The following C1orf185 variants were observed in gnomAD, a reference collection of about 807,000 sequenced individuals.
C1orf185 encodes the protein chromosome 1 open reading frame 185, also known as uncharacterized protein C1orf185.
A neutral mutation model predicts 16.1 loss-of-function variants in C1orf185; 13 were observed. The observed-to-expected ratio is 0.81, with a 90% CI of 0.53 to 1.28. The LOEUF (loss-of-function observed/expected upper bound fraction) is 1.28. C1orf185 is among the 50% of genes most tolerant of loss of function. The pLI is 0.00. For missense variants in C1orf185, 220 were observed against 225.2 expected (o/e 0.98, Z 0.15); for synonymous variants, 80 against 76.9 (o/e 1.04, Z -0.21).
intron 2 of C1orf185, among the ~76,000 whole-genome samples, chr1:51,114,795 G>T (rs1042637891): frequency 6.6e-6 from 1 of 152,166 alleles, no homozygotes; most frequent in Non-Finnish European, 1.5e-5. Context: ...TTGAGGTATA[G>T]TTTACATACA....
intron 1 of C1orf185, among the ~76,000 whole-genome samples, chr1:51,107,860 A>G (rs1570286148): frequency 6.6e-6 from 1 of 152,192 alleles, no homozygotes. Context: ...GTTTTCTTTA[A>G]TTAATTCAAC....
At chr1:51,133,932 A>G (rs1646304211) in intron 3 of C1orf185, among the ~76,000 whole-genome samples, 2 of 152,138 alleles carry the variant, frequency 1.3e-5, no homozygotes, top group Non-Finnish European at 2.9e-5. Flanking sequence ...AAATACAAAA[A>G]TTAGCCAGGC....
At chr1:51,118,066 A>G (rs1646170177) in intron 2 of C1orf185, among the ~76,000 whole-genome samples, 2 of 152,166 alleles carry the variant, frequency 1.3e-5, no homozygotes, top group Non-Finnish European at 2.9e-5. Flanking sequence ...GGCATGTGCT[A>G]CCATGCCCAG....
chr1:51,103,410 A>AACACACACACAC (rs367808687), intron 1 of C1orf185, among the ~76,000 whole-genome samples: 14,376 of 128,632 alleles, frequency 0.11, 870 homozygotes, highest in Non-Finnish European at 0.13. Context: ...TGTCTCGAAA[A>AACACACACACAC]ACACACACAC....
intron 3 of C1orf185, among the ~76,000 whole-genome samples, 177 bp from the exon 4 acceptor site, chr1:51,145,547 T>G (rs1343531571): frequency 1.3e-5 from 2 of 152,242 alleles, no homozygotes; most frequent in East Asian, 3.8e-4. Flanking sequence ...CAGATGATAC[T>G]TCAACTTTTT....
intron 2 of C1orf185, among the ~76,000 whole-genome samples, chr1:51,118,236 G>A (rs1646171805): frequency 6.6e-6 from 1 of 152,114 alleles, no homozygotes. Flanking sequence ...CTTTTTGCCA[G>A]AAATATGATT....
chr1:51,143,246 A>G (rs1191115505), intron 3 of C1orf185, among the ~76,000 whole-genome samples: 2 of 152,220 alleles, frequency 1.3e-5, no homozygotes, highest in African/African-American at 4.8e-5. Context: ...CTCTCTAGCT[A>G]TACAAATTAC....
chr1:51,137,088 G>A (rs1031620121), intron 3 of C1orf185, among the ~76,000 whole-genome samples: 2 of 152,170 alleles, frequency 1.3e-5, no homozygotes, highest in African/African-American at 4.8e-5. Context: ...CCATTAAAAA[G>A]TGAGGAAAGG....
chr1:51,122,401 C>A (rs923481672), intron 3 of C1orf185, among the ~76,000 whole-genome samples: 1 of 152,122 alleles, frequency 6.6e-6, no homozygotes, highest in Non-Finnish European at 1.5e-5. Flanking sequence ...TTTCTGACAA[C>A]CTAATGGATG....
At chr1:51,136,766 A>C (rs1228501603) in intron 3 of C1orf185, among the ~76,000 whole-genome samples, 1 of 152,202 alleles carries the variant, frequency 6.6e-6, no homozygotes, top group East Asian at 1.9e-4. Context: ...AGACGGATTA[A>C]AGACTTAAAT....
Position 51,147,455 on chromosome 1 carries a change from CT to C in C1orf185, c.296-11del. 6.7e-7 allele frequency: 1 copy of C among 1,498,584 alleles called. No individual in the cohort carries two copies. The highest frequency in any genetic ancestry group is 8.9e-7 in the Non-Finnish European group (1 of 1,122,152). The allele number at this position is 1,498,584 out of a possible 1,614,324, so 92.8% of individuals were successfully genotyped here. On this transcript the variant is annotated splice_polypyrimidine_tract_variant and intron_variant, in intron 4 of 4. Transcript: ENST00000371759. ...TGAATATATAATATTCATAGTAAATCTGTTTTTACAGCAATTAAAGATCATT... is the reference window on the plus strand; with the variant it reads ...TGAATATATAATATTCATAGTAAATCGTTTTTACAGCAATTAAAGATCATT...
intron 1 of C1orf185, among the ~76,000 whole-genome samples, chr1:51,110,972 CA>C: frequency 6.6e-6 from 1 of 151,882 alleles, no homozygotes; most frequent in Non-Finnish European, 1.5e-5. Flanking sequence ...AAAACAAAAA[CA>C]AAAACAAAAA....
At chr1:51,119,788 A>G (rs1429048499) in intron 3 of C1orf185, among the ~76,000 whole-genome samples, 2 of 152,268 alleles carry the variant, frequency 1.3e-5, no homozygotes, top group Admixed American at 6.5e-5. Context: ...TGACAGCAAG[A>G]CCCTGTCTCA....
intron 3 of C1orf185, among the ~76,000 whole-genome samples, chr1:51,131,130 T>C (rs996797889): frequency 2.6e-5 from 4 of 152,188 alleles, no homozygotes; most frequent in East Asian, 3.9e-4. Context: ...CTCAAACTCC[T>C]GACCTCAGGT....
chr1:51,130,984 C>G (rs1646279049), intron 3 of C1orf185, among the ~76,000 whole-genome samples: 1 of 152,178 alleles, frequency 6.6e-6, no homozygotes, highest in South Asian at 2.1e-4. Context: ...CTCACAGCAA[C>G]CTCCACCTCC....
At chr1:51,148,862 G>A (rs893291009), downstream of C1orf185, among the ~76,000 whole-genome samples, 4 of 152,334 alleles carry the variant, frequency 2.6e-5, no homozygotes, top group Middle Eastern at 3.4e-3. Context: ...TGAAGGTTGA[G>A]GCTGCAATGA....
chr1:51,148,631 G>A (rs769994628), downstream of C1orf185, among the ~76,000 whole-genome samples: 2 of 152,078 alleles, frequency 1.3e-5, no homozygotes, highest in Admixed American at 6.6e-5. Flanking sequence ...TTGAAATGCT[G>A]AATCCAGAAA....
chr1:51,102,407 A>T (rs1339168230), intron 1 of C1orf185, 158 bp downstream of exon 1: 2 of 437,288 alleles, frequency 4.6e-6, no homozygotes, highest in African/African-American at 4.0e-5. Context: ...TTGTAAAGTT[A>T]TTGGGGCTAT....
chr1:51,128,953 T>A (rs1646262253), intron 3 of C1orf185, among the ~76,000 whole-genome samples: 1 of 152,010 alleles, frequency 6.6e-6, no homozygotes, highest in Non-Finnish European at 1.5e-5. Flanking sequence ...GGCACAATCT[T>A]GGCTCACTGC....
Sources: allele counts gnomAD v4.1 joint callset (sites outside exome capture counted in the v4.1 genomes callset), GRCh38; gene constraint gnomAD v4.1.1; transcripts MANE v1.5; gene names NCBI Gene and HGNC (gene_info 2026-07-23, HGNC 2026-07-21).